Variants in RNF115 observed in about 807,000 individuals in gnomAD.
The protein encoded by RNF115 is E3 ubiquitin-protein ligase RNF115.
RNF115 carries 31 observed loss-of-function variants against 39.2 expected under a neutral mutation model. The observed-to-expected ratio is 0.79, with a 90% CI of 0.59 to 1.07. The LOEUF is 1.07. Ranked by LOEUF, RNF115 falls within the 50% of genes least tolerant of loss-of-function variation. The pLI is 0.00. For missense variants in RNF115, 384 were observed against 381.7 expected, an observed-to-expected ratio of 1.01 and a Z score of -0.05; for synonymous variants, 124 against 131.0, an observed-to-expected ratio of 0.95 and a Z score of 0.37.
chr1:145,762,583 T>TA, intron 4 of RNF115, among the ~76,000 whole-genome samples: 1 of 152,148 alleles, frequency 6.6e-6, no homozygotes, highest in Non-Finnish European at 1.5e-5. Flanking sequence ...TATATGTATT[T>TA]AAAAAGGTCT....
rs1255972795 is a variant in RNF115, at chr1:145,739,294, AG to A, written c.*7571del. 1 of 152,284 alleles carries A rather than the reference AG, an allele frequency of 6.6e-6. No homozygotes were observed. The highest frequency in any genetic ancestry group is 2.4e-5 in the African/African-American group (1 of 41,470). The allele number at this position is 152,284 out of a possible 1,614,324, so 9.4% of individuals were successfully genotyped here. Reference sequence around the variant, plus strand: ...TACATGAATAAAGGGGTAAGAGCACAGAAATTTAGCTACAGCTCCATGGTGA... The same window carrying A: ...TACATGAATAAAGGGGTAAGAGCACAAAATTTAGCTACAGCTCCATGGTGA... On this transcript the variant is annotated 3_prime_UTR_variant, in exon 9 of 9. Coordinates refer to ENST00000582693, the MANE Select transcript of RNF115 (RefSeq NM_014455.4).
chr1:145,759,728 A>C (rs587600799), intron 4 of RNF115, among the ~76,000 whole-genome samples: 1 of 152,236 alleles, frequency 6.6e-6, no homozygotes, highest in South Asian at 2.1e-4. Flanking sequence ...TCTCCATTGG[A>C]ACAGAAGCTC....
At chr1:145,791,657 T>C (rs1465278768) in intron 1 of RNF115, among the ~76,000 whole-genome samples, 1 of 152,168 alleles carries the variant, frequency 6.6e-6, no homozygotes, top group Non-Finnish European at 1.5e-5. Context: ...AATTCTCAAA[T>C]ACCCTACAGA....
chr1:145,794,402 A>G (rs1648837326), intron 1 of RNF115, among the ~76,000 whole-genome samples: 1 of 149,682 alleles, frequency 6.7e-6, no homozygotes, highest in South Asian at 2.1e-4. Flanking sequence ...ACTTCTTTTG[A>G]TTCTTTGAAC....
At chr1:145,758,146 T>C (rs948160135) in intron 4 of RNF115, among the ~76,000 whole-genome samples, 15 of 152,190 alleles carry the variant, frequency 9.9e-5, no homozygotes, top group African/African-American at 3.6e-4. Context: ...ACAGACAAAA[T>C]GTAGCAGGAA....
chr1:145,786,937 T>C, intron 2 of RNF115: 2 of 591,934 alleles, frequency 3.4e-6, no homozygotes, highest in Non-Finnish European at 5.6e-6. Flanking sequence ...CCATGCCACA[T>C]ATTGCCCCAG....
chr1:145,811,412 T>A (rs1225246855), intron 1 of RNF115, among the ~76,000 whole-genome samples: 24 of 145,806 alleles, frequency 1.6e-4, no homozygotes, highest in South Asian at 4.3e-4. Context: ...GTACTTGAGT[T>A]TTATTTGTAC....
intron 4 of RNF115, among the ~76,000 whole-genome samples, chr1:145,767,198 C>T (rs1271535001): frequency 1.1e-4 from 17 of 149,114 alleles, no homozygotes; most frequent in Admixed American, 8.6e-4. Flanking sequence ...CGGGCGGAGA[C>T]GCTCCTCACT....
chr1:145,791,141 CA>C (rs1286470278), intron 1 of RNF115, among the ~76,000 whole-genome samples: 31 of 134,728 alleles, frequency 2.3e-4, no homozygotes, highest in South Asian at 2.4e-4. Flanking sequence ...GACTCTGTCT[CA>C]AAAAAAAAAA....
At chr1:145,788,819 G>C (rs782068295) in intron 2 of RNF115, 89 bp downstream of exon 2, 14 of 958,342 alleles carry the variant, frequency 1.5e-5, no homozygotes, top group Non-Finnish European at 2.2e-5. Context: ...AGTGTAAGTT[G>C]TAAAACAAAT....
chr1:145,810,692 A>G (rs1173988763), intron 1 of RNF115, among the ~76,000 whole-genome samples: 10 of 147,522 alleles, frequency 6.8e-5, no homozygotes, highest in South Asian at 2.2e-4. Flanking sequence ...CTGACATTCA[A>G]TTGGCAGAGG....
At chr1:145,759,697 A>C (rs1225173301) in intron 4 of RNF115, among the ~76,000 whole-genome samples, 4 of 152,162 alleles carry the variant, frequency 2.6e-5, no homozygotes, top group Admixed American at 2.6e-4. Context: ...CAATCATTTC[A>C]AGATATAAAT....
At chr1:145,748,703 G>GT (rs1371455703) in intron 7 of RNF115, among the ~76,000 whole-genome samples, 1 of 152,010 alleles carries the variant, frequency 6.6e-6, no homozygotes, top group Non-Finnish European at 1.5e-5. Flanking sequence ...GGCCAAGATG[G>GT]TAAAAACCCT....
At chr1:145,787,155 T>A in intron 2 of RNF115, 1 of 539,676 alleles carries the variant, frequency 1.9e-6, no homozygotes, top group Non-Finnish European at 3.3e-6. Context: ...CAGATTCTTT[T>A]TGACCAGTCG....
chr1:145,812,614 C>T (rs372620437), intron 1 of RNF115, among the ~76,000 whole-genome samples: 13 of 151,398 alleles, frequency 8.6e-5, no homozygotes, highest in East Asian at 1.9e-4. Context: ...GAGCCAAGAT[C>T]GCACCACTGC....
chr1:145,767,784 AAC>A (rs1647425236), intron 4 of RNF115, among the ~76,000 whole-genome samples: 3 of 152,260 alleles, frequency 2.0e-5, no homozygotes, highest in African/African-American at 4.8e-5. Flanking sequence ...CAGCCCGGCC[AAC>A]ACAGCGAAAC....
In RNF115 at chr1:145,765,351, C is replaced by G. The variant is rs144711194; in HGVS notation, c.428+6360G>C. 5.2e-3 allele frequency among the ~76,000 whole-genome samples: 798 copies of G among 152,110 alleles called. 3 individuals are homozygous for G. The highest frequency in any genetic ancestry group is 8.1e-3 in the Non-Finnish European group (552 of 67,990). On this transcript the variant is annotated intron_variant, in intron 4 of 8. Coordinates refer to ENST00000582693, the MANE Select transcript of RNF115 (RefSeq NM_014455.4). ...GTTCACTTGCTTATCTGCTGACCTT[C>G]CCTCCACTATTGTCCTATGACCCTG...
At chr1:145,764,396 C>T (rs1289642548) in intron 4 of RNF115, among the ~76,000 whole-genome samples, 1 of 151,246 alleles carries the variant, frequency 6.6e-6, no homozygotes, top group South Asian at 2.1e-4. Flanking sequence ...AAGTGAGGAG[C>T]GTCTCTGCCG....
chr1:145,766,478 T>C (rs1477567125), intron 4 of RNF115, among the ~76,000 whole-genome samples: 1 of 152,096 alleles, frequency 6.6e-6, no homozygotes, highest in Non-Finnish European at 1.5e-5. Flanking sequence ...ACCGCCATTG[T>C]CATCATGGCC....
Sources: allele counts gnomAD v4.1 joint callset (sites outside exome capture counted in the v4.1 genomes callset), GRCh38; gene constraint gnomAD v4.1.1; transcripts MANE v1.5; gene names NCBI Gene and HGNC (gene_info 2026-07-23, HGNC 2026-07-21).